Variants in ABCB1 observed in about 807,000 individuals in gnomAD.
ABCB1 encodes the protein ATP binding cassette subfamily B member 1.
Under a neutral mutation model 142.0 loss-of-function variants are expected in ABCB1, and 69 were observed. The observed-to-expected ratio is 0.49, with a 90% CI of 0.40 to 0.59. The LOEUF (loss-of-function observed/expected upper bound fraction) is 0.59, where lower values mean the gene tolerates loss of function less well. Among genes scored for constraint, ABCB1 ranks in the 20% least tolerant of loss-of-function variants. The probability of loss-of-function intolerance (pLI) is 0.00; values close to 1 mark genes in which losing one functional copy is unlikely to be tolerated. For missense variants in ABCB1, 1,326 were observed against 1,554.7 expected (o/e 0.85, Z 2.47); for synonymous variants, 532 against 539.2 (o/e 0.99, Z 0.18).
intron 8 of ABCB1, among the ~76,000 whole-genome samples, chr7:87,558,497 A>C (rs60224992): frequency 0.13 from 19,185 of 152,014 alleles, 1,862 homozygotes; most frequent in African/African-American, 0.27. Context: ...ATTTTCCAAT[A>C]CTTACTGTTT....
intron 1 of ABCB1, among the ~76,000 whole-genome samples, chr7:87,669,435 C>T (rs757193689): frequency 2.2e-4 from 33 of 152,106 alleles, no homozygotes; most frequent in South Asian, 4.1e-4. Flanking sequence ...TCCAGCTTCT[C>T]ACTGTGCCTT....
chr7:87,540,632 C>G (rs184969933), intron 18 of ABCB1, among the ~76,000 whole-genome samples: 6 of 152,124 alleles, frequency 3.9e-5, no homozygotes, highest in Admixed American at 2.0e-4. Context: ...GTATTTTTAG[C>G]GGAGACAGAG....
intron 8 of ABCB1, among the ~76,000 whole-genome samples, chr7:87,560,090 G>A (rs1394435555): frequency 6.6e-6 from 1 of 151,832 alleles, no homozygotes; most frequent in Non-Finnish European, 1.5e-5. Context: ...TTGATTATTT[G>A]TGGTTGTCTG....
chr7:87,546,908 T>C (rs956108191), intron 14 of ABCB1, among the ~76,000 whole-genome samples: 18 of 152,228 alleles, frequency 1.2e-4, no homozygotes, highest in African/African-American at 4.3e-4. Flanking sequence ...ATTTACTTCT[T>C]AGAGTAGTTG....
At chr7:87,597,107 C>G (rs1819239921) in intron 2 of ABCB1, among the ~76,000 whole-genome samples, 1 of 151,986 alleles carries the variant, frequency 6.6e-6, no homozygotes, top group Admixed American at 6.6e-5. Flanking sequence ...CCAAGGTTCA[C>G]AGCTATAACT....
chr7:87,520,217 A>AT (rs28401777), intron 22 of ABCB1, among the ~76,000 whole-genome samples: 20,491 of 151,898 alleles, frequency 0.13, 1,501 homozygotes, highest in African/African-American at 0.19. Flanking sequence ...CTCTACCATC[A>AT]TTTTTTTTAA....
At chr7:87,550,417 GA>G in intron 11 of ABCB1, 50 bp downstream of exon 11, 1 of 1,603,744 alleles carries the variant, frequency 6.2e-7, no homozygotes, top group Non-Finnish European at 8.5e-7. Context: ...GAAAACATCA[GA>G]AACTCTTCAT....
chr7:87,681,224 G>T (rs1410009481), intron 1 of ABCB1, among the ~76,000 whole-genome samples: 2 of 150,788 alleles, frequency 1.3e-5, no homozygotes, highest in African/African-American at 4.9e-5. Context: ...TCCAGGCCTA[G>T]ATATTTTTGC....
At position 87,684,542 on chromosome 7, in the gene ABCB1, A is replaced by G. The variant is rs564494662; in HGVS notation, c.-331+28619T>C. Among the ~76,000 whole-genome samples the G allele has an allele frequency of 6.6e-5, 10 of 152,038 alleles. No homozygotes were observed. In the South Asian group the frequency reaches 1.7e-3, roughly 25 times the overall value. ...GGCAGGCGGATCATGAGGTCAAGAG[A>G]TCGAGACCATCCTGGCCAACATGGT... On this transcript the variant is annotated intron_variant, in intron 1 of 28. Coordinates refer to the ABCB1 transcript ENST00000265724.
chr7:87,628,950 G>C (rs1820894771), intron 1 of ABCB1: 6 of 1,309,002 alleles, frequency 4.6e-6, no homozygotes, highest in Non-Finnish European at 5.9e-6. Flanking sequence ...GTGCAGGTAC[G>C]GCAGCGCAGG....
chr7:87,701,957 C>T (rs1563145458), intron 1 of ABCB1, among the ~76,000 whole-genome samples: 2 of 151,944 alleles, frequency 1.3e-5, no homozygotes, highest in African/African-American at 2.4e-5. Flanking sequence ...TCCTGGCTAA[C>T]ATGGTGAAAC....
chr7:87,534,473 G>C (rs1816192298), intron 20 of ABCB1, among the ~76,000 whole-genome samples: 1 of 152,092 alleles, frequency 6.6e-6, no homozygotes, highest in Non-Finnish European at 1.5e-5. Context: ...TATAAAAAAG[G>C]TTTACTAAAG....
At chr7:87,661,660 T>C (rs1824730424) in intron 1 of ABCB1, among the ~76,000 whole-genome samples, 2 of 151,704 alleles carry the variant, frequency 1.3e-5, no homozygotes, top group Admixed American at 6.6e-5. Flanking sequence ...TCTTTATTCA[T>C]TTGTCTGTTT....
chr7:87,640,808 C>G (rs1023081858), intron 1 of ABCB1, among the ~76,000 whole-genome samples: 4 of 152,062 alleles, frequency 2.6e-5, no homozygotes, highest in African/African-American at 7.2e-5. Flanking sequence ...TATGCTTTGT[C>G]TATTCTACTG....
intron 3 of ABCB1, among the ~76,000 whole-genome samples, chr7:87,593,901 T>C (rs1441867349): frequency 6.6e-6 from 1 of 152,194 alleles, no homozygotes; most frequent in African/African-American, 2.4e-5. Flanking sequence ...CCTTGTATCC[T>C]TTTGTTGTAA....
intron 4 of ABCB1, among the ~76,000 whole-genome samples, chr7:87,578,615 G>A (rs981875335): frequency 6.6e-6 from 1 of 151,594 alleles, no homozygotes; most frequent in Non-Finnish European, 1.5e-5. Context: ...TTTCATTGTA[G>A]AGATCTCTCA....
intron 3 of ABCB1, among the ~76,000 whole-genome samples, chr7:87,594,219 G>T (rs145756746): frequency 5.3e-5 from 8 of 152,242 alleles, no homozygotes; most frequent in African/African-American, 1.7e-4. Flanking sequence ...TGGCCCCATT[G>T]TACATCCTCA....
intron 18 of ABCB1, among the ~76,000 whole-genome samples, chr7:87,540,503 C>G (rs548964636): frequency 6.6e-6 from 1 of 152,168 alleles, no homozygotes; most frequent in Non-Finnish European, 1.5e-5. Flanking sequence ...TGCAGTGGCA[C>G]GATCATGGCT....
intron 4 of ABCB1, among the ~76,000 whole-genome samples, chr7:87,583,092 C>A (rs1183530979): frequency 1.3e-5 from 2 of 152,114 alleles, no homozygotes; most frequent in African/African-American, 4.8e-5. Context: ...ATATAAGGAA[C>A]CATATCATCA....
Sources: gnomAD v4.1 joint callset for allele counts (sites outside exome capture counted in the v4.1 genomes callset) on GRCh38, gnomAD v4.1.1 for gene constraint, MANE v1.5 for transcripts, NCBI Gene and HGNC (gene_info 2026-07-23, HGNC 2026-07-21) for gene names.